PHF14: variants seen among roughly 807,000 people sequenced by gnomAD.
PHF14 encodes the protein PHD finger protein 14.
A neutral mutation model predicts 117.9 loss-of-function variants in PHF14; 55 were observed. That is an observed-to-expected ratio of 0.47 (90% CI 0.38 to 0.58). The LOEUF is 0.58. PHF14 is among the 20% of genes least tolerant of loss of function. The pLI, the probability that PHF14 is intolerant of heterozygous loss-of-function variation, is 0.00. For synonymous variants in PHF14, 409 were observed against 368.6 expected (o/e 1.11, Z -1.26); for missense variants, 978 against 1,122.2 (o/e 0.87, Z 1.84).
chr7:11,066,147 C>G (rs1193165705), intron 16 of PHF14, among the ~76,000 whole-genome samples: 1 of 152,180 alleles, frequency 6.6e-6, no homozygotes, highest in Non-Finnish European at 1.5e-5. Flanking sequence ...ATTTAAAAAT[C>G]TGGCTTGTCA....
intron 7 of PHF14, among the ~76,000 whole-genome samples, chr7:11,030,741 G>C (rs1180134093): frequency 6.6e-6 from 1 of 152,116 alleles, no homozygotes; most frequent in Non-Finnish European, 1.5e-5. Flanking sequence ...GGGAGCCCTG[G>C]ATGCTGGAAT....
Position 11,093,252 on chromosome 7 carries a change from T to C in PHF14, c.2655-18098T>C, listed in dbSNP as rs148877384. 4.5e-4 allele frequency among the ~76,000 whole-genome samples: 68 copies of C among 152,378 alleles called. 1 individual carries two copies. In the East Asian group the frequency reaches 0.012, roughly 27 times the overall value. The stretch of plus-strand genomic sequence containing the variant: ...TTTGTTCTGCTGATTGCTTTGTTTC[T>C]TGACAGTGGATTTTCTTTTTCATTT... On this transcript the variant is annotated intron_variant, in intron 16 of 17. Transcript: ENST00000634607.
chr7:11,125,927 A>T (rs1313509804), intron 17 of PHF14, among the ~76,000 whole-genome samples: 1 of 151,738 alleles, frequency 6.6e-6, no homozygotes. Flanking sequence ...TGGTTTGAAA[A>T]CTCTTTAAAG....
chr7:11,021,984 G>T (rs547751960), intron 5 of PHF14, among the ~76,000 whole-genome samples: 11 of 152,202 alleles, frequency 7.2e-5, no homozygotes, highest in African/African-American at 2.6e-4. Flanking sequence ...GAGATTTGCT[G>T]CTGTGACCCT....
intron 17 of PHF14, among the ~76,000 whole-genome samples, chr7:11,159,968 G>A (rs1353185972): frequency 6.6e-6 from 1 of 152,088 alleles, no homozygotes; most frequent in African/African-American, 2.4e-5. Context: ...TGTTACATAG[G>A]TATATTGTGT....
chr7:10,992,908 A>G (rs561409928), intron 4 of PHF14, among the ~76,000 whole-genome samples: 44 of 152,264 alleles, frequency 2.9e-4, no homozygotes, highest in Admixed American at 2.2e-3. Flanking sequence ...TCTCATAGAC[A>G]TTTTTAAATA....
In PHF14 at chr7:11,130,877, G is replaced by A. The variant is rs1413079022; in HGVS notation, c.2772+19410G>A. Among the ~76,000 whole-genome samples the A allele has an allele frequency of 2.0e-5, 3 of 151,830 alleles. No individual in the cohort carries two copies. The highest frequency in any genetic ancestry group is 1.3e-4 in the Admixed American group (2 of 15,196). On this transcript the variant is annotated intron_variant, in intron 17 of 17. Transcript: ENST00000634607. This position sits in a 1 kb window ranked among gnomAD's most constrained non-coding sequence, Gnocchi z 4.2. ...ACTGGCAACCACAGATCCTTTTGCTGTCTCCATAGTTTTGCCTTTTCTGAA... is the reference window on the plus strand; with the variant it reads ...ACTGGCAACCACAGATCCTTTTGCTATCTCCATAGTTTTGCCTTTTCTGAA...
chr7:10,974,126 A>G lies in PHF14; in HGVS notation c.-198A>G. 1 of 578,008 alleles carries G rather than the reference A, an allele frequency of 1.7e-6. No individual in the cohort carries two copies. Among genetic ancestry groups the G allele is most frequent in the Non-Finnish European group, 3.1e-6 (1 of 323,398 alleles). 35.8% of individuals were successfully genotyped at this position (578,008 alleles called of 1,614,324 possible). A position where few individuals can be genotyped will look rare whatever the true frequency, so the allele number is the denominator to read the frequency against. On this transcript the variant is annotated 5_prime_UTR_variant, in exon 1 of 18. Coordinates refer to ENST00000634607, the MANE Select transcript of PHF14 (RefSeq NM_001007157.2). ...GGAAGGGGCTCGAGCGGCCAGGGCC[A>G]GGCGAGGCCGGGGGGGCGGGGGGTT...
At chr7:11,099,753 A>AT (rs1286745023) in intron 16 of PHF14, among the ~76,000 whole-genome samples, 2 of 152,090 alleles carry the variant, frequency 1.3e-5, no homozygotes, top group Non-Finnish European at 1.5e-5. Context: ...CATTAACTTC[A>AT]TTTTTTCTTA....
intron 16 of PHF14, among the ~76,000 whole-genome samples, chr7:11,083,573 G>T (rs1398784604): frequency 6.8e-6 from 1 of 147,100 alleles, no homozygotes; most frequent in Non-Finnish European, 1.5e-5. Flanking sequence ...CAGTTCTCCT[G>T]CCTCAGCCTC....
intron 17 of PHF14, among the ~76,000 whole-genome samples, chr7:11,134,923 G>C (rs1212388380): frequency 2.0e-5 from 3 of 152,070 alleles, no homozygotes; most frequent in Non-Finnish European, 4.4e-5. Context: ...TCTTATGTGT[G>C]TGTAATATGA....
At chr7:10,995,831 G>T (rs540188658) in intron 4 of PHF14, among the ~76,000 whole-genome samples, 1 of 152,184 alleles carries the variant, frequency 6.6e-6, no homozygotes, top group Non-Finnish European at 1.5e-5. Flanking sequence ...GGCAGTGCCC[G>T]CCAAGCCCAT....
chr7:11,084,524 A>G (rs564598807), intron 16 of PHF14, among the ~76,000 whole-genome samples: 4 of 150,628 alleles, frequency 2.7e-5, no homozygotes, highest in African/African-American at 7.3e-5. Flanking sequence ...TTCACAATGC[A>G]TAATGGACTT....
At chr7:11,119,897 A>C (rs1353318203) in intron 17 of PHF14, among the ~76,000 whole-genome samples, 1 of 151,916 alleles carries the variant, frequency 6.6e-6, no homozygotes, top group Non-Finnish European at 1.5e-5. Flanking sequence ...TTCTGATGGA[A>C]TCTTTCCTAG....
intron 16 of PHF14, among the ~76,000 whole-genome samples, chr7:11,082,926 C>T (rs1330343716): frequency 6.6e-6 from 1 of 152,192 alleles, no homozygotes; most frequent in Non-Finnish European, 1.5e-5. Flanking sequence ...GCCTTTACTA[C>T]ATGCCCAGGC....
intron 16 of PHF14, among the ~76,000 whole-genome samples, chr7:11,065,742 G>A (rs568818078): frequency 6.6e-5 from 10 of 152,078 alleles, no homozygotes; most frequent in Middle Eastern, 3.4e-3. Context: ...AGTCTTTATC[G>A]AACTATCAAA....
intron 17 of PHF14, among the ~76,000 whole-genome samples, chr7:11,167,157 CAGCA>C (rs1247613837): frequency 6.6e-6 from 1 of 152,082 alleles, no homozygotes; most frequent in Non-Finnish European, 1.5e-5. Flanking sequence ...TGACTTAGAG[CAGCA>C]AGGTTGCTAG....
At chr7:11,051,510 A>G (rs1784850274) in intron 13 of PHF14, 102 bp from the exon 14 acceptor site, 2 of 888,402 alleles carry the variant, frequency 2.3e-6, no homozygotes, top group Non-Finnish European at 3.3e-6. Context: ...GTATATTTTT[A>G]TATATTATTC....
chr7:11,083,529 C>G (rs539802228), intron 16 of PHF14, among the ~76,000 whole-genome samples: 4 of 145,534 alleles, frequency 2.7e-5, no homozygotes, highest in Admixed American at 2.1e-4. Context: ...AGTGCAGTCT[C>G]GGCTCACTGG....
Sources: gnomAD v4.1 joint callset for allele counts (sites outside exome capture counted in the v4.1 genomes callset) on GRCh38, gnomAD v4.1.1 for gene constraint, Gnocchi (gnomAD v3.1) non-coding constraint, MANE v1.5 for transcripts, NCBI Gene and HGNC (gene_info 2026-07-23, HGNC 2026-07-21) for gene names.